Variants in FAAH2 observed in about 807,000 individuals in gnomAD.
FAAH2 encodes fatty acid amide hydrolase 2.
In FAAH2, 60 loss-of-function variants were observed where a neutral mutation model predicts 36.9. The observed-to-expected ratio is 1.63, with a 90% CI of 1.32 to 2.02. FAAH2 has a LOEUF of 2.02. FAAH2 is among the 30% of genes most tolerant of loss of function. FAAH2 has a pLI of 0.00. For missense variants in FAAH2, 689 were observed against 397.5 expected, an observed-to-expected ratio of 1.73 and a Z score of -6.23; for synonymous variants, 214 against 143.8, an observed-to-expected ratio of 1.49 and a Z score of -3.49.
intron 10 of FAAH2, among the ~76,000 whole-genome samples, chrX:57,468,431 T>C (rs1474511097): frequency 8.9e-6 from 1 of 111,799 alleles, no homozygotes; most frequent in Non-Finnish European, 1.9e-5. Context: ...AACCATGGCA[T>C]GAGAATGACG....
intron 10 of FAAH2, among the ~76,000 whole-genome samples, chrX:57,465,569 C>G (rs2057033778): frequency 9.0e-6 from 1 of 111,432 alleles, no homozygotes; most frequent in African/African-American, 3.2e-5. Flanking sequence ...CCAACCAATA[C>G]TCTTATAATT....
chrX:57,321,686 C>G (rs954962567), intron 3 of FAAH2, among the ~76,000 whole-genome samples: 1 of 110,437 alleles, frequency 9.1e-6, no homozygotes, highest in African/African-American at 3.3e-5. Context: ...AACAAGGAGT[C>G]TTGCTTCTTT....
the FAAH2 span, among the ~76,000 whole-genome samples, chrX:57,221,945 C>G: frequency 7.6e-4 from 84 of 110,776 alleles, 1 homozygote; most frequent in Admixed American, 7.9e-3. Context: ...TATTAATGAT[C>G]TGCTCCTGTG....
intron 5 of FAAH2, among the ~76,000 whole-genome samples, chrX:57,358,534 G>A (rs1189174466): frequency 2.7e-5 from 3 of 110,978 alleles, no homozygotes; most frequent in Admixed American, 9.6e-5. Flanking sequence ...GTTTATGAAG[G>A]CTCAACAATT....
chrX:57,221,729 C>CT, the FAAH2 span, among the ~76,000 whole-genome samples: 1,044 of 110,648 alleles, frequency 9.4e-3, 15 homozygotes, highest in African/African-American at 0.031. Flanking sequence ...CTAAAGGATG[C>CT]TTTTTTTTCA....
the FAAH2 span, among the ~76,000 whole-genome samples, chrX:57,138,476 G>C: frequency 1.0e-4 from 11 of 110,215 alleles, no homozygotes; most frequent in South Asian, 3.8e-3. Context: ...GGACAGTTAA[G>C]TTGATTCCAT....
At chrX:57,458,594 G>T (rs183727005) in intron 10 of FAAH2, among the ~76,000 whole-genome samples, 14 of 112,249 alleles carry the variant, frequency 1.2e-4, no homozygotes, top group African/African-American at 4.5e-4. Context: ...TGAGATCAAC[G>T]CAGAAGGGGA....
intron 7 of FAAH2, among the ~76,000 whole-genome samples, chrX:57,404,353 G>A (rs1026991409): frequency 1.8e-5 from 2 of 111,666 alleles, no homozygotes; most frequent in African/African-American, 6.5e-5. Flanking sequence ...ATGGATTTTG[G>A]AAACAGTGGA....
chrX:57,406,592 A>C (rs2055573080), intron 7 of FAAH2, among the ~76,000 whole-genome samples: 1 of 112,664 alleles, frequency 8.9e-6, no homozygotes, highest in African/African-American at 3.2e-5. Context: ...CACAGGGATC[A>C]TAACCTTCAG....
At chrX:57,335,305 G>A (rs1010179405) in intron 4 of FAAH2, among the ~76,000 whole-genome samples, 1 of 111,325 alleles carries the variant, frequency 9.0e-6, no homozygotes, top group African/African-American at 3.3e-5. Flanking sequence ...CCGGCGTTCA[G>A]CATAAGGAGG....
chrX:57,134,701 C>G, the FAAH2 span: 1 of 111,630 alleles, frequency 9.0e-6, no homozygotes, highest in Non-Finnish European at 1.9e-5. Context: ...CTCTTAAGTT[C>G]TGAGAGCCCC....
intron 1 of FAAH2, among the ~76,000 whole-genome samples, chrX:57,290,664 C>T (rs1222213667): frequency 3.6e-5 from 4 of 110,480 alleles, no homozygotes; most frequent in Non-Finnish European, 7.6e-5. Context: ...TGTTACTGTT[C>T]CTATTTTATT....
intron 5 of FAAH2, among the ~76,000 whole-genome samples, chrX:57,347,213 T>A (rs1228406645): frequency 8.9e-6 from 1 of 112,102 alleles, no homozygotes; most frequent in Non-Finnish European, 1.9e-5. Context: ...GCATAGATTT[T>A]GTTGCTTTAC....
chrX:57,482,185 G>T (rs2057392428), intron 10 of FAAH2, among the ~76,000 whole-genome samples: 1 of 111,762 alleles, frequency 8.9e-6, no homozygotes, highest in African/African-American at 3.3e-5. Flanking sequence ...CCCTGGCAGT[G>T]GGACCTGCTG....
At chrX:57,485,219 G>T (rs1203946578) in intron 10 of FAAH2, among the ~76,000 whole-genome samples, 1 of 111,897 alleles carries the variant, frequency 8.9e-6, no homozygotes, top group Non-Finnish European at 1.9e-5. Flanking sequence ...GCATGCACAG[G>T]TAGGTGCCAG....
At chrX:57,345,127 T>G (rs898840451) in intron 5 of FAAH2, among the ~76,000 whole-genome samples, 1 of 108,936 alleles carries the variant, frequency 9.2e-6, no homozygotes, top group Non-Finnish European at 1.9e-5. Context: ...CTCAATTTTT[T>G]TTTTTTTTTG....
the FAAH2 span, among the ~76,000 whole-genome samples, chrX:57,251,736 G>A: frequency 3.6e-5 from 4 of 111,577 alleles, no homozygotes; most frequent in South Asian, 3.8e-4. Flanking sequence ...CTTCCAAGAC[G>A]GCCGAATAGG....
At chrX:57,235,989 A>G in the FAAH2 span, among the ~76,000 whole-genome samples, 1 of 112,401 alleles carries the variant, frequency 8.9e-6, no homozygotes, top group East Asian at 2.8e-4. Context: ...AAATGTTTCC[A>G]TCTTCCATTC....
chrX:57,186,124 T>C, the FAAH2 span, among the ~76,000 whole-genome samples: 2 of 111,641 alleles, frequency 1.8e-5, no homozygotes, highest in Non-Finnish European at 3.8e-5. Flanking sequence ...TTTCTGGTTC[T>C]AGATCCTTGA....
Sources: allele counts gnomAD v4.1 joint callset (sites outside exome capture counted in the v4.1 genomes callset), GRCh38; gene constraint gnomAD v4.1.1; transcripts MANE v1.5; gene names NCBI Gene and HGNC (gene_info 2026-07-23, HGNC 2026-07-21).